The following MUC5AC variants were observed in gnomAD, a reference collection of about 807,000 sequenced individuals.
MUC5AC encodes the protein mucin-5AC.
Under a neutral mutation model 169.7 loss-of-function variants are expected in MUC5AC, and 158 were observed. The observed-to-expected ratio is 0.93, with a 90% CI of 0.82 to 1.06. The LOEUF (loss-of-function observed/expected upper bound fraction) is 1.06. Ranked by LOEUF, MUC5AC falls within the 50% of genes least tolerant of loss-of-function variation. The pLI is 0.00. For missense variants in MUC5AC, 4,359 were observed against 3,089.9 expected, an observed-to-expected ratio of 1.41 and a Z score of -9.74; for synonymous variants, 1,975 against 1,237.0, an observed-to-expected ratio of 1.60 and a Z score of -12.52.
Position 1,185,664 on chromosome 11 carries a change from A to G in MUC5AC, c.7519A>G (p.Ser2507Gly). The change falls in exon 31 of 49, where the codon AGC (serine) becomes GGC (glycine). Residue 2507 changes from serine (S) to glycine (G), a missense_variant. Coordinates refer to ENST00000621226, the MANE Select transcript of MUC5AC (RefSeq NM_001304359.2). ...CAGCACAACCTCTTCTCCTACAACC[A>G]GCACAACCTCTGCTCCTACAACCAG... is the stretch of plus-strand genomic sequence containing the variant. ...TTSTTSSPTT[S>G]TTSAPTTSTT... 1.4e-6 allele frequency: 1 copy of G among 740,406 alleles called. No homozygotes were observed. Among genetic ancestry groups the G allele is most frequent in the South Asian group, 1.4e-5 (1 of 71,198 alleles). 45.9% of individuals were successfully genotyped at this position (740,406 alleles called of 1,614,324 possible). A position where few individuals can be genotyped will look rare whatever the true frequency, so the allele number is the denominator to read the frequency against.
chr11:1,164,388 C>G lies in MUC5AC; in HGVS notation c.1004-19C>G, dbSNP rs544274678. On this transcript the variant is annotated intron_variant, in intron 8 of 48. Coordinates refer to ENST00000621226, the MANE Select transcript of MUC5AC (RefSeq NM_001304359.2). Reference sequence around the variant, plus strand: ...GGGCAGGGGCAGGCAGACGTGAGCCCTCTCTCTGCCTCCCGCAGCCCAGAA... The same window carrying G: ...GGGCAGGGGCAGGCAGACGTGAGCCGTCTCTCTGCCTCCCGCAGCCCAGAA... The G allele has an allele frequency of 1.3e-5, 21 of 1,612,090 alleles. No individual in the cohort carries two copies. In the Admixed American group the frequency reaches 3.5e-4, roughly 27 times the overall value.
At chr11:1,168,075 T>C in intron 12 of MUC5AC, 88 bp downstream of exon 12, 2 of 1,172,258 alleles carry the variant, frequency 1.7e-6, no homozygotes, top group South Asian at 2.6e-5. Context: ...CCTTCATCCC[T>C]GGCATGAACA....
In MUC5AC at chr11:1,191,729, C is replaced by A. The variant is rs35216491; in HGVS notation, c.13584C>A (p.Ser4528Arg). 0.045 allele frequency: 25,511 copies of A among 565,744 alleles called. 3,668 individuals are homozygous for A. Among genetic ancestry groups the A allele is most frequent in the Non-Finnish European group, 0.063 (18,504 of 294,582 alleles). 35.0% of individuals were successfully genotyped at this position (565,744 alleles called of 1,614,324 possible). Residue 4528 changes from serine (S) to arginine (R), a missense_variant, in exon 31 of 49, where the codon AGC becomes AGA. Coordinates refer to ENST00000621226, the MANE Select transcript of MUC5AC (RefSeq NM_001304359.2). ...GCACAACCTCTGCTCCTACAACCAGCACAACCTCTGCCTCTACAGCCAGCA... is the reference window on the plus strand; with the variant it reads ...GCACAACCTCTGCTCCTACAACCAGAACAACCTCTGCCTCTACAGCCAGCA... ...TTSTTSAPTTSTTSASTASTT... is the reference protein window; with the variant it reads ...TTSTTSAPTTRTTSASTASTT...
Position 1,189,322 on chromosome 11 carries a change from G to T in MUC5AC, c.11177G>T (p.Ser3726Ile), listed in dbSNP as rs1439826909. The T allele has an allele frequency of 4.0e-6, 2 of 494,396 alleles. No homozygotes were observed. Among genetic ancestry groups the T allele is most frequent in the East Asian group, 6.2e-5 (2 of 32,358 alleles). 30.6% of individuals were successfully genotyped at this position (494,396 alleles called of 1,614,324 possible). A position where few individuals can be genotyped will look rare whatever the true frequency, so the allele number is the denominator to read the frequency against. ...ACCACCACATCCTCTGCCCCTACAA[G>T]CAGCACAACCTCGGCTCCTACCACC... is the stretch of plus-strand genomic sequence containing the variant. Reference protein sequence around the residue: ...PQTTTSSAPTSSTTSAPTTST... With the variant: ...PQTTTSSAPTISTTSAPTTST... Residue 3726 changes from serine (S) to isoleucine (I), a missense_variant, in exon 31 of 49, where the codon AGC becomes ATC. Coordinates refer to ENST00000621226, the MANE Select transcript of MUC5AC (RefSeq NM_001304359.2).
chr11:1,182,858 G>A lies in MUC5AC; in HGVS notation c.4713G>A (p.Glu1571=), dbSNP rs1415983852. 3.5e-4 allele frequency: 141 copies of A among 398,530 alleles called. No individual in the cohort carries two copies. In the East Asian group the frequency reaches 4.5e-3, roughly 13 times the overall value. The allele number at this position is 398,530 out of a possible 1,614,324, so 24.7% of individuals were successfully genotyped here. A position where few individuals can be genotyped will look rare whatever the true frequency, so the allele number is the denominator to read the frequency against. The stretch of plus-strand genomic sequence containing the variant: ...TCTCCAGCAAGCCCACCCCCACGGA[G>A]CCCAGCACATCCTCCTGCCTGCAGG... ...SVVSSKPTPT[E]PSTSSCLQEL... The change falls in exon 31 of 49, where the codon GAG becomes GAA. Residue 1571 remains glutamate (E), a synonymous_variant. Transcript: ENST00000621226.
chr11:1,197,054 G>A (rs986757784), intron 40 of MUC5AC, 146 bp downstream of exon 40: 7 of 629,902 alleles, frequency 1.1e-5, no homozygotes, highest in Admixed American at 5.2e-5. Context: ...AAAGGGCTGC[G>A]GGAGGAGCCG....
At chr11:1,179,766 C>G (rs1284762605) in intron 26 of MUC5AC, among the ~76,000 whole-genome samples, 2 of 152,134 alleles carry the variant, frequency 1.3e-5, no homozygotes, top group African/African-American at 4.8e-5. Flanking sequence ...GCAGAGCTGC[C>G]CAGCTCTAGC....
At position 1,175,218 on chromosome 11, in the gene MUC5AC, C is replaced by T; in HGVS notation, c.2349C>T (p.Cys783=). ...GGCTCTGACCACCATCTCCTCACAG[C>T]ACCTGCACACATGGGAAGCTGAGCT... The part of the protein sequence containing the change: ...GESVHDSGAI[C]TCTHGKLSCI... Residue 783 remains cysteine (C), a splice_region_variant and synonymous_variant, in exon 19 of 49, where the codon TGC becomes TGT. Transcript: ENST00000621226. 1 of 398,770 alleles carries T rather than the reference C, an allele frequency of 2.5e-6. No homozygotes were observed. The highest frequency in any genetic ancestry group is 4.4e-6 in the Non-Finnish European group (1 of 226,154). The allele number at this position is 398,770 out of a possible 1,614,324, so 24.7% of individuals were successfully genotyped here.
At position 1,182,422 on chromosome 11, in the gene MUC5AC, C is replaced by T. The variant is rs1162841235; in HGVS notation, c.4277C>T (p.Ser1426Leu). The T allele has an allele frequency of 2.8e-5, 11 of 398,486 alleles. No individual in the cohort carries two copies. Among genetic ancestry groups the T allele is most frequent in the African/African-American group, 1.6e-4 (8 of 48,628 alleles). 24.7% of individuals were successfully genotyped at this position (398,486 alleles called of 1,614,324 possible). The change falls in exon 31 of 49, where the codon TCG becomes TTG. Residue 1426 changes from serine (S) to leucine (L), a missense_variant. By Grantham distance (145) the Ser-to-Leu change is moderately radical. Coordinates refer to ENST00000621226, the MANE Select transcript of MUC5AC (RefSeq NM_001304359.2). ...TACCGGGTGTGCGAATCACCCAGGT[C>T]GGTGGAGTGCCGAGCTGAGGACGCC... ...HGYRVCESPR[S>L]VECRAEDAPG...
rs751796611 is a variant in MUC5AC at position 1,197,977 on chromosome 11, G to C, written c.16108G>C (p.Gly5370Arg). 5 of 727,824 alleles carry C rather than the reference G, an allele frequency of 6.9e-6. No homozygotes were observed. The East Asian group carries it at 1.3e-4, about 18-fold the overall frequency. The allele number at this position is 727,824 out of a possible 1,614,324, so 45.1% of individuals were successfully genotyped here. ...GARAIPTYQE[G>R]ACCPVQNCSW... ...CCGCGCGATCCCGACCTACCAGGAG[G>C]GGGCCTGCTGCCCAGTCCAAAACTG... The change falls in exon 42 of 49, where the codon GGG (glycine) becomes CGG (arginine). Residue 5370 changes from glycine (G) to arginine (R), a missense_variant. Gly to Arg is a moderately radical substitution (Grantham distance 125, BLOSUM62 -2). Transcript: ENST00000621226.
In MUC5AC at chr11:1,189,109, G is replaced by C; in HGVS notation, c.10964G>C (p.Arg3655Thr). ...TQSTSSWQKS[R>T]TTTLVTSSIT... ...AGCACCTCCTCTTGGCAGAAATCCA[G>C]GACAACCACTTTGGTGACAAGCAGC... The change falls in exon 31 of 49, where the codon AGG becomes ACG. Residue 3655 changes from arginine to threonine, a missense_variant. Arg to Thr is a moderately conservative substitution (Grantham distance 71). Transcript: ENST00000621226. The C allele has an allele frequency of 1.7e-6, 1 of 601,650 alleles. No individual in the cohort carries two copies. The highest frequency in any genetic ancestry group is 2.0e-5 in the South Asian group (1 of 48,942). 37.3% of individuals were successfully genotyped at this position (601,650 alleles called of 1,614,324 possible). A position where few individuals can be genotyped will look rare whatever the true frequency, so the allele number is the denominator to read the frequency against.
intron 37 of MUC5AC, 138 bp from the exon 38 acceptor site, chr11:1,196,250 G>A: frequency 1.5e-6 from 1 of 665,454 alleles, no homozygotes; most frequent in Non-Finnish European, 2.7e-6. Flanking sequence ...GGGGCACTGG[G>A]GTGTGGGAGG....
Position 1,193,496 on chromosome 11 carries a change from C to T in MUC5AC, c.14592C>T (p.Thr4864=), listed in dbSNP as rs754239719. The T allele has an allele frequency of 2.7e-6, 2 of 743,348 alleles. No individual in the cohort carries two copies. Among genetic ancestry groups the T allele is most frequent in the African/African-American group, 3.4e-5 (2 of 58,694 alleles). 46.0% of individuals were successfully genotyped at this position (743,348 alleles called of 1,614,324 possible). A position where few individuals can be genotyped will look rare whatever the true frequency, so the allele number is the denominator to read the frequency against. ...CTGTGCTTCTGCAGAAAGGTGAGAC[C>T]TGGGCCACACCCAACTGCTCCGAGG... is the stretch of plus-strand genomic sequence containing the variant. The part of the protein sequence containing the change: ...NAVPPRKKGE[T]WATPNCSEAT... Residue 4864 remains threonine, a synonymous_variant, in exon 33 of 49, where the codon ACC becomes ACT. Coordinates refer to ENST00000621226, the MANE Select transcript of MUC5AC (RefSeq NM_001304359.2).
In MUC5AC at chr11:1,168,002, G is replaced by A; in HGVS notation, c.1497+15G>A. 1 of 1,546,444 alleles carries A rather than the reference G, an allele frequency of 6.5e-7. No homozygotes were observed. Among genetic ancestry groups the A allele is most frequent in the Non-Finnish European group, 8.7e-7 (1 of 1,143,886 alleles). The stretch of plus-strand genomic sequence containing the variant: ...GGGCGCAGACGGTGAGTGGAGCCTG[G>A]CAGGGCAAACCCCGGGAAGAGGGAA... On this transcript the variant is annotated intron_variant, in intron 12 of 48. Transcript: ENST00000621226.
chr11:1,200,950 T>G lies in MUC5AC; in HGVS notation c.*248T>G. ...GGGGCTGGCCGAGCTCCTCTGGCCA[T>G]GCATCCAGCCTGCTGTTCTGGGGAC... On this transcript the variant is annotated 3_prime_UTR_variant, in exon 49 of 49. Transcript: ENST00000621226. 1 of 386,746 alleles carries G rather than the reference T, an allele frequency of 2.6e-6. No homozygotes were observed. The highest frequency in any genetic ancestry group is 4.6e-6 in the Non-Finnish European group (1 of 215,362). 24.0% of individuals were successfully genotyped at this position (386,746 alleles called of 1,614,324 possible).
intron 15 of MUC5AC, among the ~76,000 whole-genome samples, chr11:1,171,946 C>T (rs1238787925): frequency 0.12 from 11,945 of 103,700 alleles, 565 homozygotes; most frequent in Admixed American, 0.21. Context: ...CACTCATTCA[C>T]TCACTCACTC....
At position 1,169,035 on chromosome 11, in the gene MUC5AC, G is replaced by T; in HGVS notation, c.1870+9G>T. The T allele has an allele frequency of 6.4e-7, 1 of 1,559,458 alleles. No individual in the cohort carries two copies. The highest frequency in any genetic ancestry group is 8.7e-7 in the Non-Finnish European group (1 of 1,149,894). Reference sequence around the variant, plus strand: ...TCTGAGCGTGGAGAATGGTACGGGTGTCCACGGCTCGCCTCTGTGCTGGCC... The same window carrying T: ...TCTGAGCGTGGAGAATGGTACGGGTTTCCACGGCTCGCCTCTGTGCTGGCC... On this transcript the variant is annotated intron_variant, in intron 15 of 48. Coordinates refer to ENST00000621226, the MANE Select transcript of MUC5AC (RefSeq NM_001304359.2).
rs1338273861 is a variant in MUC5AC, at chr11:1,186,589, C to A, written c.8444C>A (p.Thr2815Lys). The change falls in exon 31 of 49, where the codon ACA (threonine) becomes AAA (lysine). Residue 2815 changes from threonine to lysine, a missense_variant. Thr to Lys is a moderately conservative substitution (Grantham distance 78). Coordinates refer to ENST00000621226, the MANE Select transcript of MUC5AC (RefSeq NM_001304359.2). ...TSAPISSTTSTPQTSTTSAPT... is the reference protein window; with the variant it reads ...TSAPISSTTSKPQTSTTSAPT... The stretch of plus-strand genomic sequence containing the variant: ...GCCCCTATAAGCAGCACAACTTCCA[C>A]ACCACAGACCAGCACAACTTCGGCT... The A allele has an allele frequency of 2.8e-6, 2 of 709,072 alleles. No homozygotes were observed. Among genetic ancestry groups the A allele is most frequent in the Non-Finnish European group, 5.1e-6 (2 of 388,814 alleles). The allele number at this position is 709,072 out of a possible 1,614,324, so 43.9% of individuals were successfully genotyped here. A position where few individuals can be genotyped will look rare whatever the true frequency, so the allele number is the denominator to read the frequency against.
At chr11:1,171,998 G>A (rs1204089397) in intron 15 of MUC5AC, among the ~76,000 whole-genome samples, 2 of 151,854 alleles carry the variant, frequency 1.3e-5, no homozygotes, top group Non-Finnish European at 2.9e-5. Flanking sequence ...CATTCACTTC[G>A]CCTTCAGAGC....
Sources: allele counts gnomAD v4.1 joint callset (sites outside exome capture counted in the v4.1 genomes callset), GRCh38; gene constraint gnomAD v4.1.1; transcripts MANE v1.5; gene names NCBI Gene and HGNC (gene_info 2026-07-23, HGNC 2026-07-21).